The following GABRA2 variants were observed in gnomAD, a reference collection of about 807,000 sequenced individuals.
The protein encoded by GABRA2 is gamma-aminobutyric acid type A receptor subunit alpha2, also known as gamma-aminobutyric acid receptor subunit alpha-2.
In GABRA2, 16 loss-of-function variants were observed where a neutral mutation model predicts 48.7. The ratio of observed to expected loss-of-function variants is 0.33; its 90% CI spans 0.22 to 0.50. The LOEUF is 0.50. Ranked by LOEUF, GABRA2 falls within the 20% of genes least tolerant of loss-of-function variation. The pLI, the probability that GABRA2 is intolerant of heterozygous loss-of-function variation, is 0.98. For synonymous variants in GABRA2, 185 were observed against 184.5 expected, an observed-to-expected ratio of 1.00 and a Z score of -0.02; for missense variants, 275 against 535.6, an observed-to-expected ratio of 0.51 and a Z score of 4.80.
At chr4:46,288,451 A>C (rs542614812) in intron 8 of GABRA2, among the ~76,000 whole-genome samples, 2 of 152,334 alleles carry the variant, frequency 1.3e-5, no homozygotes, top group Admixed American at 6.5e-5. Flanking sequence ...CCTGACAAAA[A>C]TAAGCAATGG....
intron 3 of GABRA2, among the ~76,000 whole-genome samples, chr4:46,342,438 A>G (rs1427378009): frequency 6.6e-6 from 1 of 151,992 alleles, no homozygotes; most frequent in East Asian, 1.9e-4. Flanking sequence ...ATTTCACTCC[A>G]AGTATTAAAA....
intron 8 of GABRA2, among the ~76,000 whole-genome samples, chr4:46,294,726 A>T (rs1319280177): frequency 1.3e-5 from 2 of 152,204 alleles, no homozygotes; most frequent in Non-Finnish European, 2.9e-5. Flanking sequence ...AGCCCCTGCC[A>T]TCTTCTGCAG....
At chr4:46,264,922 T>C (rs1190064005) in intron 8 of GABRA2, among the ~76,000 whole-genome samples, 1 of 149,184 alleles carries the variant, frequency 6.7e-6, no homozygotes, top group Admixed American at 6.8e-5. Flanking sequence ...TTTCTAGGAA[T>C]TGTTATAGTT....
rs73133210 is a variant in GABRA2, at chr4:46,326,107, A to T, written c.255+6508T>A. ...GGATATTTGAATTTATTTTCCAATTATGTTAAAAGTGATATTGATAGTGTG... is the reference window on the plus strand; with the variant it reads ...GGATATTTGAATTTATTTTCCAATTTTGTTAAAAGTGATATTGATAGTGTG... On this transcript the variant is annotated intron_variant, in intron 4 of 9. Transcript: ENST00000381620. Among the ~76,000 whole-genome samples the T allele has an allele frequency of 4.0e-3, 611 of 152,024 alleles. 4 individuals carry two copies. Among genetic ancestry groups the T allele is most frequent in the African/African-American group, 0.014 (589 of 41,510 alleles).
At chr4:46,285,006 C>A (rs1388114499) in intron 8 of GABRA2, among the ~76,000 whole-genome samples, 1 of 139,638 alleles carries the variant, frequency 7.2e-6, no homozygotes, top group Non-Finnish European at 1.5e-5. Flanking sequence ...ATGCAATAAT[C>A]CAATGATGCT....
At position 46,348,618 on chromosome 4, in the gene GABRA2, C is replaced by A. The variant is rs961622904; in HGVS notation, c.188-15936G>T. ...TCATAAAAAATGATGAGGTCATGTC[C>A]TTTGTAGGGACATGGATGAAACTGG... is the stretch of plus-strand genomic sequence containing the variant. On this transcript the variant is annotated intron_variant, in intron 3 of 9. Transcript: ENST00000381620. Among the ~76,000 whole-genome samples the A allele has an allele frequency of 2.6e-5, 4 of 151,830 alleles. No homozygotes were observed. In the East Asian group the frequency reaches 7.8e-4, roughly 29 times the overall value.
intron 3 of GABRA2, among the ~76,000 whole-genome samples, chr4:46,351,118 T>TA (rs965972158): frequency 3.7e-5 from 4 of 106,894 alleles, no homozygotes; most frequent in Admixed American, 8.9e-5. Context: ...GTTGGAGACT[T>TA]AAAAAAAAAG....
In GABRA2 at chr4:46,251,822, T is replaced by C. The variant is rs150515089; in HGVS notation, c.1060-1218A>G. 4.0e-5 allele frequency among the ~76,000 whole-genome samples: 6 copies of C among 151,622 alleles called. No individual in the cohort carries two copies. The East Asian group carries it at 1.2e-3, about 30-fold the overall frequency. The stretch of plus-strand genomic sequence containing the variant: ...GCTTCTGTCTTGTTCACCTTTGTAA[T>C]CTTAGCACTTAGCATGAAGCCTTCC... On this transcript the variant is annotated intron_variant, in intron 9 of 9. Coordinates refer to ENST00000381620, the MANE Select transcript of GABRA2 (RefSeq NM_000807.4).
intron 4 of GABRA2, among the ~76,000 whole-genome samples, chr4:46,331,360 T>G (rs903177004): frequency 6.6e-6 from 1 of 152,146 alleles, no homozygotes; most frequent in Non-Finnish European, 1.5e-5. Flanking sequence ...GAGGTGTGGC[T>G]CTGATGGAAT....
intron 3 of GABRA2, among the ~76,000 whole-genome samples, chr4:46,342,303 C>T (rs1426800803): frequency 1.3e-5 from 2 of 151,978 alleles, no homozygotes; most frequent in Non-Finnish European, 1.5e-5. Flanking sequence ...GCTCTTGTTG[C>T]GTTTATGCAG....
chr4:46,283,419 C>G (rs1324289547), intron 8 of GABRA2, among the ~76,000 whole-genome samples: 1 of 152,148 alleles, frequency 6.6e-6, no homozygotes, highest in Non-Finnish European at 1.5e-5. Flanking sequence ...GCCTGATGCC[C>G]ATGGTGCTGC....
chr4:46,359,544 C>G (rs1210678137), intron 3 of GABRA2, among the ~76,000 whole-genome samples: 3 of 152,104 alleles, frequency 2.0e-5, no homozygotes, highest in Non-Finnish European at 4.4e-5. Flanking sequence ...ATGGAAATAT[C>G]TTTAGTGAGC....
intron 2 of GABRA2, chr4:46,386,857 A>G (rs1717531477): frequency 6.6e-6 from 1 of 152,266 alleles, no homozygotes; most frequent in South Asian, 2.1e-4. Flanking sequence ...CTTAGAGCCT[A>G]GTTCTTCCTG....
At chr4:46,324,746 G>A (rs949272286) in intron 4 of GABRA2, among the ~76,000 whole-genome samples, 5 of 151,524 alleles carry the variant, frequency 3.3e-5, no homozygotes, top group African/African-American at 1.2e-4. Flanking sequence ...AAGCTTCAGT[G>A]TCTATTGTTC....
At chr4:46,333,480 G>C (rs1474642696) in intron 3 of GABRA2, among the ~76,000 whole-genome samples, 1 of 152,020 alleles carries the variant, frequency 6.6e-6, no homozygotes, top group East Asian at 1.9e-4. Context: ...CGTCATTAAT[G>C]TTTATCATCA....
At chr4:46,277,605 T>C (rs1720749323) in intron 8 of GABRA2, among the ~76,000 whole-genome samples, 1 of 152,232 alleles carries the variant, frequency 6.6e-6, no homozygotes, top group Admixed American at 6.5e-5. Flanking sequence ...GCTGTACTCA[T>C]GTGACTTTCT....
At chr4:46,268,713 C>T (rs532933835) in intron 8 of GABRA2, among the ~76,000 whole-genome samples, 7 of 151,858 alleles carry the variant, frequency 4.6e-5, no homozygotes, top group Non-Finnish European at 1.0e-4. Flanking sequence ...CTTGAGATCA[C>T]TATAGTGAAG....
intron 9 of GABRA2, among the ~76,000 whole-genome samples, chr4:46,259,685 A>G (rs1716565805): frequency 6.6e-6 from 1 of 151,978 alleles, no homozygotes; most frequent in African/African-American, 2.4e-5. Flanking sequence ...CGTTGGATTG[A>G]CAGATAACCG....
rs1454230280 is a variant in GABRA2, at chr4:46,244,094, A to G, written c.*6214T>C. The stretch of plus-strand genomic sequence containing the variant: ...TGTAGTGCAGGCACCCAAGATTAAC[A>G]AGCAATAAGGACTTAACTGTGGATG... On this transcript the variant is annotated 3_prime_UTR_variant, in exon 10 of 10. Coordinates refer to ENST00000381620, the MANE Select transcript of GABRA2 (RefSeq NM_000807.4). The G allele has an allele frequency of 6.6e-6, 1 of 151,522 alleles. No individual in the cohort carries two copies. The highest frequency in any genetic ancestry group is 1.5e-5 in the Non-Finnish European group (1 of 67,650). 9.4% of individuals were successfully genotyped at this position (151,522 alleles called of 1,614,324 possible).
Sources: allele counts gnomAD v4.1 joint callset (sites outside exome capture counted in the v4.1 genomes callset), GRCh38; gene constraint gnomAD v4.1.1; transcripts MANE v1.5; gene names NCBI Gene and HGNC (gene_info 2026-07-23, HGNC 2026-07-21).